The following UROS variants were observed in gnomAD, a reference collection of about 807,000 sequenced individuals.
UROS encodes the protein uroporphyrinogen-III synthase.
In UROS, 18 loss-of-function variants were observed where a neutral mutation model predicts 33.0. The observed-to-expected ratio is 0.55, with a 90% CI of 0.38 to 0.81. UROS has a LOEUF of 0.81. Ranked by LOEUF, UROS falls within the 30% of genes least tolerant of loss-of-function variation. The pLI, the probability that UROS is intolerant of heterozygous loss-of-function variation, is 0.00. For missense variants in UROS, 293 were observed against 314.9 expected (o/e 0.93, Z 0.53); for synonymous variants, 114 against 121.1 (o/e 0.94, Z 0.38).
intron 6 of UROS, chr10:125,802,366 T>TA: frequency 1.0e-6 from 1 of 985,816 alleles, no homozygotes; most frequent in South Asian, 4.7e-5. Context: ...CCTGGCTGAA[T>TA]AAAAGAGAGT....
At chr10:125,789,798 C>CCTGCTAGCTGTTAGT (rs1325737931) in intron 9 of UROS, among the ~76,000 whole-genome samples, 1 of 152,228 alleles carries the variant, frequency 6.6e-6, no homozygotes, top group Non-Finnish European at 1.5e-5. Context: ...GGCTCTGCCC[C>CCTGCTAGCTGTTAGT]CTGCTAGCTG....
At chr10:125,806,406 C>T (rs924175458) in intron 6 of UROS, among the ~76,000 whole-genome samples, 2 of 152,204 alleles carry the variant, frequency 1.3e-5, no homozygotes, top group East Asian at 1.9e-4. Context: ...AGGAAACTCT[C>T]AGCTGTCAGC....
Position 125,788,792 on chromosome 10 carries a change from C to G in UROS, c.*76G>C. ...TCTGACGGCAGCAGCTCCCGAGAGCCCTTGCCGATGCCTGGCTCCATCCAG... is the reference window on the plus strand; with the variant it reads ...TCTGACGGCAGCAGCTCCCGAGAGCGCTTGCCGATGCCTGGCTCCATCCAG... On this transcript the variant is annotated 3_prime_UTR_variant, in exon 10 of 10. Transcript: ENST00000368797. 1 of 1,515,444 alleles carries G rather than the reference C, an allele frequency of 6.6e-7. No homozygotes were observed. The highest frequency in any genetic ancestry group is 1.2e-5 in the South Asian group (1 of 81,136). 93.9% of individuals were successfully genotyped at this position (1,515,444 alleles called of 1,614,324 possible).
At chr10:125,795,540 C>T (rs781346915) in intron 8 of UROS, among the ~76,000 whole-genome samples, 46 of 152,202 alleles carry the variant, frequency 3.0e-4, no homozygotes, top group Non-Finnish European at 6.2e-4. Context: ...ATTCTCCTGC[C>T]TGAGTCCTCC....
chr10:125,801,005 C>T (rs1456374302), intron 6 of UROS, among the ~76,000 whole-genome samples: 2 of 152,228 alleles, frequency 1.3e-5, no homozygotes, highest in African/African-American at 4.8e-5. Flanking sequence ...ATCAATGACA[C>T]TGACTTTTTA....
chr10:125,814,313 G>A (rs763742832), intron 4 of UROS, among the ~76,000 whole-genome samples: 1 of 152,172 alleles, frequency 6.6e-6, no homozygotes, highest in Non-Finnish European at 1.5e-5. Context: ...CGCTGCCTCC[G>A]CTCATCAGTG....
At chr10:125,819,133 C>G (rs1350365545) in intron 1 of UROS, among the ~76,000 whole-genome samples, 1 of 152,024 alleles carries the variant, frequency 6.6e-6, no homozygotes, top group African/African-American at 2.4e-5. Flanking sequence ...TACAGGCATG[C>G]GCCACCATGC....
At chr10:125,795,961 T>C (rs1242693529) in intron 8 of UROS, 142 bp downstream of exon 8, 6 of 793,676 alleles carry the variant, frequency 7.6e-6, no homozygotes, top group Non-Finnish European at 1.1e-5. Flanking sequence ...AGACCAACTA[T>C]GTGACAGGAA....
intron 1 of UROS, among the ~76,000 whole-genome samples, chr10:125,819,337 T>C (rs1853644639): frequency 6.6e-6 from 1 of 152,186 alleles, no homozygotes; most frequent in African/African-American, 2.4e-5. Context: ...TCGGTCACTT[T>C]TTCTGCCTTA....
At chr10:125,798,703 C>T (rs1353178544) in intron 6 of UROS, among the ~76,000 whole-genome samples, 1 of 152,244 alleles carries the variant, frequency 6.6e-6, no homozygotes, top group Non-Finnish European at 1.5e-5. Flanking sequence ...TGCCAAAAGG[C>T]GAATGCACAG....
chr10:125,814,021 T>TG (rs1853067920), intron 4 of UROS, among the ~76,000 whole-genome samples: 1 of 152,226 alleles, frequency 6.6e-6, no homozygotes, highest in Non-Finnish European at 1.5e-5. Context: ...TTACACATTG[T>TG]GGGGGCCTGG....
intron 6 of UROS, 105 bp downstream of exon 6, chr10:125,807,308 C>A: frequency 1.0e-6 from 1 of 996,278 alleles, no homozygotes; most frequent in South Asian, 1.3e-5. Flanking sequence ...ACCAATCAAT[C>A]TCACCACCAA....
chr10:125,815,257 C>T, intron 3 of UROS, 127 bp from the exon 4 acceptor site: 1 of 1,013,816 alleles, frequency 9.9e-7, no homozygotes, highest in Non-Finnish European at 1.5e-6. Flanking sequence ...TCCACCCATC[C>T]CCCCAACACT....
At chr10:125,818,436 T>C (rs922631183) in intron 1 of UROS, among the ~76,000 whole-genome samples, 1 of 152,112 alleles carries the variant, frequency 6.6e-6, no homozygotes, top group Admixed American at 6.5e-5. Flanking sequence ...AAGGTTGCTG[T>C]GGGCTATAAT....
At chr10:125,796,239 G>A (rs1343882505) in intron 7 of UROS, 51 bp from the exon 8 acceptor site, 3 of 1,549,672 alleles carry the variant, frequency 1.9e-6, no homozygotes, top group East Asian at 2.2e-5. Flanking sequence ...GCACACAATG[G>A]GGCCTCCACC....
intron 3 of UROS, among the ~76,000 whole-genome samples, chr10:125,815,497 T>C (rs1192449526): frequency 1.3e-5 from 2 of 152,082 alleles, no homozygotes; most frequent in Non-Finnish European, 2.9e-5. Flanking sequence ...GTAATAAAAA[T>C]GGGAATATTC....
intron 6 of UROS, among the ~76,000 whole-genome samples, chr10:125,801,087 C>A (rs928155889): frequency 1.3e-5 from 2 of 152,096 alleles, no homozygotes; most frequent in African/African-American, 4.8e-5. Flanking sequence ...CAATGACTTC[C>A]CCCTCTCGGG....
intron 6 of UROS, among the ~76,000 whole-genome samples, chr10:125,799,608 C>T (rs1013156706): frequency 6.6e-6 from 1 of 152,202 alleles, no homozygotes; most frequent in Non-Finnish European, 1.5e-5. Flanking sequence ...ATCTCTGACT[C>T]ACAAGGCTGG....
chr10:125,804,157 G>C (rs1407281806), intron 6 of UROS, among the ~76,000 whole-genome samples: 1 of 152,162 alleles, frequency 6.6e-6, no homozygotes, highest in Non-Finnish European at 1.5e-5. Context: ...TCAGGATGGG[G>C]GCTGAAGGCC....
Sources: gnomAD v4.1 joint callset for allele counts (sites outside exome capture counted in the v4.1 genomes callset) on GRCh38, gnomAD v4.1.1 for gene constraint, MANE v1.5 for transcripts, NCBI Gene and HGNC (gene_info 2026-07-23, HGNC 2026-07-21) for gene names.